The following GEMIN7 variants were observed in gnomAD, a reference collection of about 807,000 sequenced individuals.
GEMIN7 encodes gem nuclear organelle associated protein 7, also known as gem-associated protein 7.
Under a neutral mutation model 7.8 loss-of-function variants are expected in GEMIN7, and 7 were observed. The ratio of observed to expected loss-of-function variants is 0.90; its 90% confidence interval spans 0.51 to 1.69. The LOEUF (loss-of-function observed/expected upper bound fraction) is 1.69. GEMIN7 is among the 40% of genes most tolerant of loss of function. The pLI, the probability that GEMIN7 is intolerant of heterozygous loss-of-function variation, is 0.00. For missense variants in GEMIN7, 159 were observed against 176.2 expected, an observed-to-expected ratio of 0.90 and a Z score of 0.55; for synonymous variants, 68 against 72.4, an observed-to-expected ratio of 0.94 and a Z score of 0.31.
chr19:45,076,515 G>A (rs1396715569), upstream of GEMIN7: 2 of 582,462 alleles, frequency 3.4e-6, no homozygotes, highest in Non-Finnish European at 4.9e-6. This position sits in a 1 kb window ranked among gnomAD's most constrained non-coding sequence, Gnocchi z 4.9. Context: ...CGTGCTGGCC[G>A]GGCCCGTGGC....
intron 2 of GEMIN7, among the ~76,000 whole-genome samples, chr19:45,081,667 T>C (rs1967509163): frequency 6.6e-6 from 1 of 151,966 alleles, no homozygotes. Flanking sequence ...CACTCTGTCA[T>C]CCATGCTGGA....
At chr19:45,083,608 T>C (rs1011933284) in intron 2 of GEMIN7, among the ~76,000 whole-genome samples, 42 of 144,108 alleles carry the variant, frequency 2.9e-4, no homozygotes, top group Non-Finnish European at 4.6e-4. Flanking sequence ...TCTTTTTTTT[T>C]TTTTTTTTGT....
intron 2 of GEMIN7, among the ~76,000 whole-genome samples, chr19:45,082,803 T>A (rs1967545891): frequency 6.6e-6 from 1 of 150,728 alleles, no homozygotes; most frequent in African/African-American, 2.4e-5. Context: ...TTTTTTTTTG[T>A]AGAGATGGGG....
chr19:45,083,599 C>CT (rs1184251456), intron 2 of GEMIN7, among the ~76,000 whole-genome samples: 612 of 48,318 alleles, frequency 0.013, 18 homozygotes, highest in East Asian at 0.024. Context: ...AATTCTTCTT[C>CT]TTTTTTTTTT....
At chr19:45,076,089 G>A, upstream of GEMIN7, 3 of 1,581,078 alleles carry the variant, frequency 1.9e-6, no homozygotes, top group East Asian at 2.3e-5. The surrounding 1 kb of genome is among the most constrained non-coding windows in gnomAD (Gnocchi z 4.9). Context: ...GATAGTTCGG[G>A]GTCAACGGCG....
chr19:45,085,079 C>G (rs1056134147), intron 2 of GEMIN7, among the ~76,000 whole-genome samples: 15 of 152,128 alleles, frequency 9.9e-5, no homozygotes, highest in African/African-American at 3.1e-4. Context: ...GGCCAACACC[C>G]GGCTAATTTT....
chr19:45,088,266 CCTTT>C (rs1414763021), intron 2 of GEMIN7, among the ~76,000 whole-genome samples: 6 of 152,002 alleles, frequency 3.9e-5, no homozygotes, highest in Non-Finnish European at 7.4e-5. Flanking sequence ...TTTTTCTCAG[CCTTT>C]CTTTGTCTTT....
upstream of GEMIN7, among the ~76,000 whole-genome samples, chr19:45,078,906 G>C (rs1177286503): frequency 6.6e-6 from 1 of 152,228 alleles, no homozygotes; most frequent in African/African-American, 2.4e-5. Context: ...TAGAGGAGCG[G>C]GGGTTCCCAC....
At chr19:45,089,795 A>G (rs940408598) in intron 2 of GEMIN7, among the ~76,000 whole-genome samples, 3 of 152,232 alleles carry the variant, frequency 2.0e-5, no homozygotes, top group African/African-American at 7.2e-5. Flanking sequence ...CTGGGATTAC[A>G]GGCATGAGCC....
chr19:45,077,785 G>A (rs975869193), upstream of GEMIN7, among the ~76,000 whole-genome samples: 4 of 151,830 alleles, frequency 2.6e-5, no homozygotes, highest in Admixed American at 6.6e-5. Flanking sequence ...TTCTCCATCT[G>A]TCAAAGGAGG....
upstream of GEMIN7, among the ~76,000 whole-genome samples, chr19:45,078,769 G>A (rs1008564737): frequency 2.0e-5 from 3 of 152,154 alleles, no homozygotes; most frequent in African/African-American, 7.2e-5. Context: ...CCCCATTCAA[G>A]GCCTCAGTTT....
At chr19:45,076,390 G>A (rs1355061204), upstream of GEMIN7, 6 of 1,263,590 alleles carry the variant, frequency 4.7e-6, no homozygotes, top group East Asian at 6.0e-5. The surrounding 1 kb of genome is among the most constrained non-coding windows in gnomAD (Gnocchi z 4.9). Context: ...CGGGCCGGGC[G>A]AGCGAGCGGG....
intron 2 of GEMIN7, among the ~76,000 whole-genome samples, chr19:45,089,603 T>C (rs1967822980): frequency 6.6e-6 from 1 of 151,970 alleles, no homozygotes; most frequent in Non-Finnish European, 1.5e-5. Flanking sequence ...GTTGCACAAT[T>C]ACAGCTCACT....
chr19:45,080,758 GTTTTTTGTTTTTT>G (rs1263160292), intron 2 of GEMIN7, among the ~76,000 whole-genome samples: 3 of 121,334 alleles, frequency 2.5e-5, no homozygotes, highest in Non-Finnish European at 5.0e-5. Context: ...AATCTCCCTT[GTTTTTTGTTTTTT>G]TTTTTTTTTT....
At position 45,087,554 on chromosome 19, in the gene GEMIN7, A is replaced by T. The variant is rs552524807; in HGVS notation, c.-8-2553A>T. Reference sequence around the variant, plus strand: ...AAACTCACGGAGGGAAAGGAGATACAGGCAGATACAGGGAACCGAAAGTGC... The same window carrying T: ...AAACTCACGGAGGGAAAGGAGATACTGGCAGATACAGGGAACCGAAAGTGC... On this transcript the variant is annotated intron_variant, in intron 2 of 2. Transcript: ENST00000270257. Among the ~76,000 whole-genome samples, 5 of 152,302 alleles carry T rather than the reference A, an allele frequency of 3.3e-5. No individual in the cohort carries two copies. In the South Asian group the frequency reaches 1.0e-3, roughly 32 times the overall value.
rs1210759566 is a variant in GEMIN7 at position 45,090,631 on chromosome 19, GC to G, written c.*122del. On this transcript the variant is annotated 3_prime_UTR_variant, in exon 3 of 3. Transcript: ENST00000270257. ...GAGCTCCCTTGGAATTTTGAGCCAA[GC>G]TTTAAGCAAGTCTGGACTCCTGAGA... The G allele has an allele frequency of 2.1e-5, 21 of 989,716 alleles. No homozygotes were observed. The highest frequency in any genetic ancestry group is 4.8e-4 in the Middle Eastern group (2 of 4,202). The allele number at this position is 989,716 out of a possible 1,614,324, so 61.3% of individuals were successfully genotyped here.
chr19:45,080,405 T>A (rs1673213614), intron 2 of GEMIN7, among the ~76,000 whole-genome samples: 1 of 148,218 alleles, frequency 6.7e-6, no homozygotes, highest in African/African-American at 2.5e-5. Context: ...AAACAGAGTC[T>A]CACTCTGTGG....
chr19:45,087,616 A>G (rs1967739665), intron 2 of GEMIN7, among the ~76,000 whole-genome samples: 1 of 152,146 alleles, frequency 6.6e-6, no homozygotes, highest in Non-Finnish European at 1.5e-5. Flanking sequence ...ATCGCGCCTG[A>G]GGATCAGCGA....
upstream of GEMIN7, among the ~76,000 whole-genome samples, chr19:45,077,194 T>C (rs1967372747): frequency 6.6e-6 from 1 of 152,154 alleles, no homozygotes; most frequent in African/African-American, 2.4e-5. Context: ...AGTGAAAATA[T>C]GGGGGCAGAT....
Sources: gnomAD v4.1 joint callset for allele counts (sites outside exome capture counted in the v4.1 genomes callset) on GRCh38, gnomAD v4.1.1 for gene constraint, Gnocchi (gnomAD v3.1) non-coding constraint, MANE v1.5 for transcripts, NCBI Gene and HGNC (gene_info 2026-07-23, HGNC 2026-07-21) for gene names.